Variants in ROBO1 observed in about 807,000 individuals in gnomAD.
The protein encoded by ROBO1 is roundabout homolog 1.
Under a neutral mutation model 195.9 loss-of-function variants are expected in ROBO1, and 149 were observed. That is an observed-to-expected ratio of 0.76 (90% CI 0.67 to 0.87). ROBO1 has a LOEUF of 0.87. Among genes scored for constraint, ROBO1 ranks in the 40% least tolerant of loss-of-function variants. The pLI is 0.00. For synonymous variants in ROBO1, 816 were observed against 733.2 expected (o/e 1.11, Z -1.82); for missense variants, 1,933 against 2,068.3 (o/e 0.93, Z 1.27).
chr3:78,754,437 T>C (rs1009491716), intron 4 of ROBO1, among the ~76,000 whole-genome samples: 4 of 152,200 alleles, frequency 2.6e-5, no homozygotes, highest in African/African-American at 7.2e-5. Flanking sequence ...AATCCAACTT[T>C]TTATGTAGCC....
intron 2 of ROBO1, among the ~76,000 whole-genome samples, chr3:79,250,525 T>C (rs2082707838): frequency 6.6e-6 from 1 of 152,144 alleles, no homozygotes; most frequent in African/African-American, 2.4e-5. Context: ...TTTCAAGCTA[T>C]GTTTTCTGGC....
At chr3:78,850,378 A>C (rs576535338) in intron 4 of ROBO1, among the ~76,000 whole-genome samples, 13 of 152,340 alleles carry the variant, frequency 8.5e-5, no homozygotes, top group African/African-American at 2.4e-4. Context: ...TTTCTCAGCA[A>C]TTTTAATATT....
chr3:78,798,359 C>G (rs1196579900), intron 4 of ROBO1, among the ~76,000 whole-genome samples: 1 of 152,146 alleles, frequency 6.6e-6, no homozygotes, highest in African/African-American at 2.4e-5. Flanking sequence ...GCAGATGCAT[C>G]AAATACCTAA....
intron 4 of ROBO1, among the ~76,000 whole-genome samples, chr3:78,774,635 T>C (rs2083461315): frequency 6.6e-6 from 1 of 151,662 alleles, no homozygotes; most frequent in Non-Finnish European, 1.5e-5. Flanking sequence ...CACTTGAAAA[T>C]ATCAGAGGAA....
chr3:79,290,581 C>G (rs998878654), intron 2 of ROBO1, among the ~76,000 whole-genome samples: 2 of 152,154 alleles, frequency 1.3e-5, no homozygotes, highest in African/African-American at 2.4e-5. Context: ...ACACCTCTCT[C>G]TACTGTGGAC....
intron 2 of ROBO1, among the ~76,000 whole-genome samples, chr3:79,372,719 G>C (rs7627116): frequency 0.041 from 6,208 of 152,156 alleles, 168 homozygotes; most frequent in Middle Eastern, 0.12. Flanking sequence ...CCAGCATCTT[G>C]ATCTTGGACT....
chr3:79,550,123 T>A, intron 2 of ROBO1, among the ~76,000 whole-genome samples: 1 of 122,652 alleles, frequency 8.2e-6, no homozygotes, highest in Admixed American at 9.0e-5. Flanking sequence ...AGACTCCATC[T>A]CCAAAGGAAA....
intron 8 of ROBO1, among the ~76,000 whole-genome samples, chr3:78,698,863 A>G (rs2081357756): frequency 6.6e-6 from 1 of 152,184 alleles, no homozygotes; most frequent in African/African-American, 2.4e-5. Context: ...CTTCCTTTCT[A>G]AAAATATTGT....
rs1225856994 is a variant in ROBO1 at position 78,609,966 on chromosome 3, G to A, written c.4436-2925C>T. Among the ~76,000 whole-genome samples the A allele has an allele frequency of 2.0e-5, 3 of 151,984 alleles. No homozygotes were observed. The East Asian group carries it at 5.8e-4, about 29-fold the overall frequency. On this transcript the variant is annotated intron_variant, in intron 28 of 30. Coordinates refer to ENST00000464233, the MANE Select transcript of ROBO1 (RefSeq NM_002941.4). ...TGTTAGAATTCATTGTATTAGTTTTGAAAACAGACAGTCTGAGTTGCCATC... is the reference window on the plus strand; with the variant it reads ...TGTTAGAATTCATTGTATTAGTTTTAAAAACAGACAGTCTGAGTTGCCATC...
chr3:79,265,000 G>A (rs973442017), intron 2 of ROBO1, among the ~76,000 whole-genome samples: 6 of 151,874 alleles, frequency 4.0e-5, no homozygotes, highest in Non-Finnish European at 8.8e-5. Flanking sequence ...TGGAGGAGGA[G>A]AGAACCATAG....
At chr3:78,654,464 C>T (rs1276626577) in intron 18 of ROBO1, among the ~76,000 whole-genome samples, 1 of 152,192 alleles carries the variant, frequency 6.6e-6, no homozygotes. Flanking sequence ...TCTTAAAGTT[C>T]ACCGAGCAGA....
chr3:78,757,142 T>G (rs1369084231), intron 4 of ROBO1, among the ~76,000 whole-genome samples: 1 of 152,132 alleles, frequency 6.6e-6, no homozygotes, highest in Non-Finnish European at 1.5e-5. Context: ...GCCACCTGCG[T>G]CAGCCTCCCA....
At chr3:79,096,380 C>A (rs2079567216) in intron 3 of ROBO1, among the ~76,000 whole-genome samples, 1 of 151,692 alleles carries the variant, frequency 6.6e-6, no homozygotes, top group Non-Finnish European at 1.5e-5. Flanking sequence ...ATAGAGATGA[C>A]AAGAAATTTA....
In ROBO1 at chr3:78,717,399, C is replaced by A; in HGVS notation, c.793G>T (p.Val265Leu). The part of the protein sequence containing the change: ...ELTVLERPSF[V>L]KRPSNLAVTV... ...ACTGCCAAGTTACTGGGTCTCTTCACAAATGATGGTCTCTCTAAAATTAAA... is the reference window on the plus strand; with the variant it reads ...ACTGCCAAGTTACTGGGTCTCTTCAAAAATGATGGTCTCTCTAAAATTAAA... The change falls in exon 7 of 31, where the codon GTG (valine) becomes TTG (leucine). Residue 265 changes from valine (V) to leucine (L), a missense_variant. This residue lies in a region of ROBO1 where 1,737 missense variants were observed against 1,882.5 expected (regional missense o/e 0.92). Coordinates refer to ENST00000464233, the MANE Select transcript of ROBO1 (RefSeq NM_002941.4). 6.2e-7 allele frequency: 1 copy of A among 1,613,634 alleles called. No homozygotes were observed. Among genetic ancestry groups the A allele is most frequent in the East Asian group, 2.2e-5 (1 of 44,860 alleles).
chr3:78,737,754 G>A (rs965404721), intron 5 of ROBO1, among the ~76,000 whole-genome samples: 6 of 151,984 alleles, frequency 3.9e-5, no homozygotes, highest in Non-Finnish European at 7.4e-5. Context: ...TCCAATGACT[G>A]GTACAATAAA....
chr3:78,864,444 G>A (rs6770639), intron 4 of ROBO1, among the ~76,000 whole-genome samples: 26,055 of 151,808 alleles, frequency 0.17, 2,835 homozygotes, highest in East Asian at 0.32. Flanking sequence ...TTATAAGATG[G>A]CATACATGCA....
intron 2 of ROBO1, among the ~76,000 whole-genome samples, chr3:79,341,131 T>C (rs562026862): frequency 4.1e-4 from 62 of 152,328 alleles, no homozygotes; most frequent in Middle Eastern, 3.4e-3. Context: ...CCCTCATGAA[T>C]TTCCAATGCC....
chr3:79,528,670 T>C (rs1297713764), intron 2 of ROBO1, among the ~76,000 whole-genome samples: 1 of 152,218 alleles, frequency 6.6e-6, no homozygotes, highest in Non-Finnish European at 1.5e-5. Flanking sequence ...CTGTGACTTC[T>C]AGATCATTTC....
At chr3:78,714,271 T>C in intron 8 of ROBO1, 126 bp downstream of exon 8, 1 of 894,044 alleles carries the variant, frequency 1.1e-6, no homozygotes, top group Non-Finnish European at 1.6e-6. Flanking sequence ...ATGTTTGAAA[T>C]ACATTATTTA....
Sources: gnomAD v4.1 joint callset for allele counts (sites outside exome capture counted in the v4.1 genomes callset) on GRCh38, gnomAD v4.1.1 for gene constraint, gnomAD v4.1.1 regional missense constraint, MANE v1.5 for transcripts, NCBI Gene and HGNC (gene_info 2026-07-23, HGNC 2026-07-21) for gene names.